The following LIPJ variants were observed in gnomAD, a reference collection of about 807,000 sequenced individuals.
LIPJ encodes the protein lipase member J.
Under a neutral mutation model 39.8 loss-of-function variants are expected in LIPJ, and 33 were observed. The observed-to-expected ratio is 0.83, with a 90% confidence interval of 0.63 to 1.11. LIPJ has a LOEUF of 1.11. Among genes scored for constraint, LIPJ ranks in the 50% least tolerant of loss-of-function variants. The pLI, the probability that LIPJ is intolerant of heterozygous loss-of-function variation, is 0.00. For synonymous variants in LIPJ, 128 were observed against 139.2 expected, an observed-to-expected ratio of 0.92 and a Z score of 0.57; for missense variants, 422 against 427.9, an observed-to-expected ratio of 0.99 and a Z score of 0.12.
intron 2 of LIPJ, among the ~76,000 whole-genome samples, chr10:88,588,183 T>C (rs1850970416): frequency 6.6e-6 from 1 of 151,916 alleles, no homozygotes; most frequent in South Asian, 2.1e-4. Context: ...CAATTTTCTC[T>C]TATATTTGCA....
upstream of LIPJ, chr10:88,584,626 G>A (rs1850844879): frequency 6.6e-6 from 1 of 151,992 alleles, no homozygotes; most frequent in Non-Finnish European, 1.5e-5. Flanking sequence ...CTTGAGACAG[G>A]GTCTTGTGTC....
At chr10:88,614,461 T>C in the LIPJ span, among the ~76,000 whole-genome samples, 9 of 152,200 alleles carry the variant, frequency 5.9e-5, no homozygotes, top group East Asian at 1.5e-3. Flanking sequence ...ATTAAAAACA[T>C]TTACAGTAGC....
chr10:88,604,677 G>A (rs1851603036), intron 9 of LIPJ, among the ~76,000 whole-genome samples: 1 of 152,208 alleles, frequency 6.6e-6, no homozygotes, highest in Admixed American at 6.5e-5. Context: ...GCCATTAAAG[G>A]AGATAGGGAG....
At chr10:88,617,176 A>C in the LIPJ span, among the ~76,000 whole-genome samples, 2 of 152,190 alleles carry the variant, frequency 1.3e-5, no homozygotes, top group Non-Finnish European at 2.9e-5. Flanking sequence ...TCAGTGATTC[A>C]AAGCCCGGCT....
At chr10:88,583,366 A>G, upstream of LIPJ, 10 of 1,396,446 alleles carry the variant, frequency 7.2e-6, no homozygotes, top group Non-Finnish European at 9.3e-6. Flanking sequence ...AGGCGGCCGG[A>G]GCTGAGAGGC....
chr10:88,593,799 A>C (rs1440297626), intron 4 of LIPJ, 147 bp from the exon 5 acceptor site: 1 of 635,188 alleles, frequency 1.6e-6, no homozygotes, highest in Non-Finnish European at 2.7e-6. Flanking sequence ...ATACAACGGG[A>C]TTAAATCTTA....
upstream of LIPJ, chr10:88,582,928 G>A: frequency 2.2e-6 from 2 of 923,080 alleles, no homozygotes; most frequent in Non-Finnish European, 3.0e-6. Context: ...CGCGCCACTC[G>A]GCGCATGGGC....
intron 8 of LIPJ, 66 bp from the exon 9 acceptor site, chr10:88,602,510 A>G: frequency 9.2e-7 from 1 of 1,087,426 alleles, no homozygotes; most frequent in Admixed American, 2.5e-5. Flanking sequence ...AATAAATATT[A>G]AAAGATTATG....
At chr10:88,610,521 G>T (rs1043936107), downstream of LIPJ, among the ~76,000 whole-genome samples, 1 of 151,810 alleles carries the variant, frequency 6.6e-6, no homozygotes, top group African/African-American at 2.4e-5. Flanking sequence ...AATCCCCTGG[G>T]CTCTTTTTTT....
chr10:88,605,529 G>T, intron 9 of LIPJ, 104 bp from the exon 10 acceptor site: 1 of 756,366 alleles, frequency 1.3e-6, no homozygotes, highest in Non-Finnish European at 2.3e-6. Context: ...ATAAATACCA[G>T]CAGACCCAGT....
chr10:88,589,470 A>G (rs1035995668), intron 2 of LIPJ, among the ~76,000 whole-genome samples: 3 of 151,936 alleles, frequency 2.0e-5, no homozygotes, highest in African/African-American at 4.8e-5. Context: ...GTTGCCTTCA[A>G]TGAAAACCAC....
At chr10:88,618,575 C>T in the LIPJ span, 2 of 152,486 alleles carry the variant, frequency 1.3e-5, no homozygotes, top group African/African-American at 2.4e-5. Flanking sequence ...TCATTGAGGC[C>T]TTGAGCTTAA....
chr10:88,595,052 A>C (rs1314458435), intron 6 of LIPJ, among the ~76,000 whole-genome samples: 2 of 151,858 alleles, frequency 1.3e-5, no homozygotes, highest in African/African-American at 4.8e-5. Flanking sequence ...ATTTAAGATC[A>C]AAGTGAGATT....
downstream of LIPJ, among the ~76,000 whole-genome samples, chr10:88,610,782 T>A (rs1273790414): frequency 6.6e-6 from 1 of 151,968 alleles, no homozygotes; most frequent in Non-Finnish European, 1.5e-5. Flanking sequence ...TTCCACAGAG[T>A]GAAGGATTGT....
exon 4 of LIPJ, chr10:88,591,399 G>A: frequency 6.2e-7 from 1 of 1,602,778 alleles, no homozygotes; most frequent in Non-Finnish European, 8.5e-7. Context: ...TTCCTACTGG[G>A]GCTACCCTGA....
intron 9 of LIPJ, among the ~76,000 whole-genome samples, chr10:88,603,499 A>G (rs1295263892): frequency 6.6e-6 from 1 of 152,234 alleles, no homozygotes; most frequent in Non-Finnish European, 1.5e-5. Flanking sequence ...TGCAATCTTA[A>G]TGTTGAAAAC....
At chr10:88,599,840 T>C (rs963708705) in intron 8 of LIPJ, among the ~76,000 whole-genome samples, 2 of 151,852 alleles carry the variant, frequency 1.3e-5, no homozygotes, top group South Asian at 2.1e-4. Context: ...ATATTTTCAT[T>C]TGACAATCTT....
intron 7 of LIPJ, 85 bp downstream of exon 7, chr10:88,596,501 A>T: frequency 7.4e-7 from 1 of 1,358,062 alleles, no homozygotes; most frequent in Non-Finnish European, 9.8e-7. Flanking sequence ...CTATACGTAG[A>T]CAACCACAAG....
At chr10:88,610,186 G>A (rs535571338), downstream of LIPJ, among the ~76,000 whole-genome samples, 40 of 152,250 alleles carry the variant, frequency 2.6e-4, no homozygotes, top group East Asian at 4.8e-3. Flanking sequence ...GATTACTAAT[G>A]TACTAAAGTG....
Sources: gnomAD v4.1 joint callset for allele counts (sites outside exome capture counted in the v4.1 genomes callset) on GRCh38, gnomAD v4.1.1 for gene constraint, MANE v1.5 for transcripts, NCBI Gene and HGNC (gene_info 2026-07-23, HGNC 2026-07-21) for gene names.